AMBRA1: variants seen among roughly 807,000 people sequenced by gnomAD.
The protein encoded by AMBRA1 is activating molecule in BECN1-regulated autophagy protein 1.
In AMBRA1, 47 loss-of-function variants were observed where a neutral mutation model predicts 125.4. The observed-to-expected ratio is 0.37, with a 90% CI of 0.30 to 0.48. AMBRA1 has a LOEUF of 0.48. AMBRA1 is among the 20% of genes least tolerant of loss of function. The pLI, the probability that AMBRA1 is intolerant of heterozygous loss-of-function variation, is 0.99. For missense variants in AMBRA1, 1,331 were observed against 1,693.4 expected (o/e 0.79, Z 3.76); for synonymous variants, 626 against 655.5 (o/e 0.95, Z 0.69).
chr11:46,446,189 T>C (rs1948276663), intron 11 of AMBRA1, among the ~76,000 whole-genome samples: 1 of 151,800 alleles, frequency 6.6e-6, no homozygotes, highest in Admixed American at 6.6e-5. Context: ...CCAAGGAGAG[T>C]CATTTTTTTT....
At chr11:46,444,165 A>G (rs758761403) in intron 11 of AMBRA1, among the ~76,000 whole-genome samples, 4 of 152,200 alleles carry the variant, frequency 2.6e-5, no homozygotes, top group Admixed American at 6.5e-5. Context: ...ATAAGGTAAT[A>G]TTCATTCATC....
At chr11:46,538,790 AC>A (rs1373941809) in intron 7 of AMBRA1, among the ~76,000 whole-genome samples, 1 of 152,138 alleles carries the variant, frequency 6.6e-6, no homozygotes, top group African/African-American at 2.4e-5. Flanking sequence ...GAGCCACTGC[AC>A]CTACCCAGTA....
chr11:46,423,178 A>G (rs972894899), intron 14 of AMBRA1, among the ~76,000 whole-genome samples: 7 of 152,186 alleles, frequency 4.6e-5, no homozygotes. Flanking sequence ...CACATATCCT[A>G]GAGTGGCAGT....
intron 11 of AMBRA1, among the ~76,000 whole-genome samples, chr11:46,486,442 T>G (rs1950267602): frequency 6.6e-6 from 1 of 152,246 alleles, no homozygotes; most frequent in Admixed American, 6.5e-5. Flanking sequence ...ATTAGACAGC[T>G]ATGCTATCAG....
chr11:46,403,413 G>A (rs1224648783), intron 17 of AMBRA1, among the ~76,000 whole-genome samples: 1 of 152,226 alleles, frequency 6.6e-6, no homozygotes, highest in African/African-American at 2.4e-5. Context: ...CCTTTGCTAC[G>A]GGTCAGGGGC....
intron 14 of AMBRA1, among the ~76,000 whole-genome samples, chr11:46,419,167 GT>G (rs1946722138): frequency 6.6e-6 from 1 of 152,162 alleles, no homozygotes; most frequent in African/African-American, 2.4e-5. Context: ...ATAAATCACC[GT>G]TAAATTGATT....
At chr11:46,425,885 G>A (rs975750279) in intron 14 of AMBRA1, among the ~76,000 whole-genome samples, 3 of 151,382 alleles carry the variant, frequency 2.0e-5, no homozygotes, top group Admixed American at 6.6e-5. Flanking sequence ...GGTGTCTCAC[G>A]CCTGTAATCC....
At chr11:46,587,870 C>A (rs1330225348) in intron 1 of AMBRA1, among the ~76,000 whole-genome samples, 1 of 152,024 alleles carries the variant, frequency 6.6e-6, no homozygotes, top group Non-Finnish European at 1.5e-5. Flanking sequence ...AGGGTTGAAA[C>A]ACACAGTCAC....
chr11:46,532,234 G>C (rs1215294970), intron 7 of AMBRA1, among the ~76,000 whole-genome samples: 1 of 152,164 alleles, frequency 6.6e-6, no homozygotes, highest in African/African-American at 2.4e-5. Context: ...ATGAAGGCCA[G>C]TATGTATGTG....
intron 12 of AMBRA1, among the ~76,000 whole-genome samples, chr11:46,442,999 G>GGAGCCCGATGTGCCATGAGACCAAATCT (rs1378638777): frequency 1.3e-5 from 2 of 152,224 alleles, no homozygotes; most frequent in Non-Finnish European, 2.9e-5. Context: ...TGGGATTACA[G>GGAGCCCGATGTGCCATGAGACCAAATCT]GCGTGAGCCA....
intron 1 of AMBRA1, among the ~76,000 whole-genome samples, chr11:46,554,027 C>T (rs1057004192): frequency 6.6e-6 from 1 of 152,126 alleles, no homozygotes; most frequent in Admixed American, 6.5e-5. Context: ...CCCAGGGTAG[C>T]CCTTCGGTCA....
intron 11 of AMBRA1, among the ~76,000 whole-genome samples, chr11:46,445,400 T>A (rs1948234303): frequency 6.6e-6 from 1 of 152,056 alleles, no homozygotes; most frequent in Non-Finnish European, 1.5e-5. Flanking sequence ...TGACCTCAAA[T>A]CTCTATTTGA....
At chr11:46,438,184 A>G (rs1947819930) in intron 12 of AMBRA1, among the ~76,000 whole-genome samples, 1 of 152,224 alleles carries the variant, frequency 6.6e-6, no homozygotes, top group Non-Finnish European at 1.5e-5. Context: ...AATGGAAATA[A>G]AGATTAGGAA....
At chr11:46,445,984 A>T (rs1245687237) in intron 11 of AMBRA1, among the ~76,000 whole-genome samples, 1 of 152,226 alleles carries the variant, frequency 6.6e-6, no homozygotes, top group Non-Finnish European at 1.5e-5. Context: ...TGGATCTGCA[A>T]ATGGGAACAC....
intron 16 of AMBRA1, 96 bp downstream of exon 16, chr11:46,410,180 C>G (rs925662255): frequency 6.2e-6 from 7 of 1,123,724 alleles, no homozygotes; most frequent in Admixed American, 3.4e-5. Flanking sequence ...GAGGAGGGAC[C>G]CAGAGCCCTA....
chr11:46,438,847 C>G (rs1469571857), intron 12 of AMBRA1, among the ~76,000 whole-genome samples: 1 of 152,152 alleles, frequency 6.6e-6, no homozygotes, highest in Admixed American at 6.5e-5. Flanking sequence ...ATGCATGAGG[C>G]CTTATTCATA....
intron 1 of AMBRA1, among the ~76,000 whole-genome samples, chr11:46,585,722 A>ATATATATATATATATATATATATT: frequency 9.6e-6 from 1 of 104,582 alleles, no homozygotes; most frequent in Middle Eastern, 4.8e-3. Flanking sequence ...ATATATATAT[A>ATATATATATATATATATATATATT]TTCCTAGCTT....
intron 9 of AMBRA1, among the ~76,000 whole-genome samples, chr11:46,502,070 C>G (rs1950861397): frequency 6.6e-6 from 1 of 152,160 alleles, no homozygotes; most frequent in African/African-American, 2.4e-5. Context: ...CTCTCCAGGT[C>G]ATTTTCTTTC....
At chr11:46,529,287 G>C (rs763394995) in intron 7 of AMBRA1, among the ~76,000 whole-genome samples, 6 of 152,220 alleles carry the variant, frequency 3.9e-5, no homozygotes, top group Non-Finnish European at 8.8e-5. Flanking sequence ...CAGCAAATAA[G>C]CTTGGAACCT....
Sources: allele counts gnomAD v4.1 joint callset (sites outside exome capture counted in the v4.1 genomes callset), GRCh38; gene constraint gnomAD v4.1.1; transcripts MANE v1.5; gene names NCBI Gene and HGNC (gene_info 2026-07-23, HGNC 2026-07-21).